ARHGAP21: variants seen among roughly 807,000 people sequenced by gnomAD.
ARHGAP21 encodes the protein Rho GTPase activating protein 21.
In ARHGAP21, 38 loss-of-function variants were observed where a neutral mutation model predicts 164.6. The ratio of observed to expected loss-of-function variants is 0.23; its 90% CI spans 0.18 to 0.30. ARHGAP21 has a LOEUF of 0.30. Ranked by LOEUF, ARHGAP21 falls within the 10% of genes least tolerant of loss-of-function variation. The probability of loss-of-function intolerance (pLI) is 1.00; values close to 1 mark genes in which losing one functional copy is unlikely to be tolerated. For missense variants in ARHGAP21, 1,822 were observed against 2,370.7 expected (o/e 0.77, Z 4.81); for synonymous variants, 766 against 857.9 (o/e 0.89, Z 1.87).
intron 4 of ARHGAP21, among the ~76,000 whole-genome samples, chr10:24,665,543 G>T (rs1013799153): frequency 6.6e-6 from 1 of 152,088 alleles, no homozygotes; most frequent in Non-Finnish European, 1.5e-5. Context: ...AAAAAATCTA[G>T]AAGAGGCAAA....
chr10:24,638,270 T>C (rs1836594408), intron 4 of ARHGAP21, among the ~76,000 whole-genome samples: 1 of 152,222 alleles, frequency 6.6e-6, no homozygotes, highest in Non-Finnish European at 1.5e-5. Flanking sequence ...AAATATCCCT[T>C]AAATATAAGC....
chr10:24,708,099 T>C (rs1260051926), intron 2 of ARHGAP21, among the ~76,000 whole-genome samples: 1 of 152,230 alleles, frequency 6.6e-6, no homozygotes, highest in Non-Finnish European at 1.5e-5. Flanking sequence ...TAAACAATGC[T>C]GCTGCTGGAA....
In ARHGAP21 at chr10:24,591,687, A is replaced by C; in HGVS notation, c.4003-4T>G. Reference sequence around the variant, plus strand: ...CTTCTGTGAAAAACCAGTCATGCTAAAATTTAAAAAAGGTGAGAAGAGAAA... The same window carrying C: ...CTTCTGTGAAAAACCAGTCATGCTACAATTTAAAAAAGGTGAGAAGAGAAA... On this transcript the variant is annotated splice_region_variant and splice_polypyrimidine_tract_variant and intron_variant, in intron 22 of 25. Coordinates refer to ENST00000396432, the MANE Select transcript of ARHGAP21 (RefSeq NM_020824.4). 1 of 1,614,096 alleles carries C rather than the reference A, an allele frequency of 6.2e-7. No homozygotes were observed. Among genetic ancestry groups the C allele is most frequent in the Non-Finnish European group, 8.5e-7 (1 of 1,179,926 alleles).
chr10:24,651,125 C>T (rs1040816954), intron 4 of ARHGAP21, among the ~76,000 whole-genome samples: 1 of 152,222 alleles, frequency 6.6e-6, no homozygotes, highest in African/African-American at 2.4e-5. Context: ...CTGCACACCT[C>T]CTTCTGAAGA....
At chr10:24,703,424 C>G (rs1843904501) in intron 2 of ARHGAP21, among the ~76,000 whole-genome samples, 1 of 152,126 alleles carries the variant, frequency 6.6e-6, no homozygotes, top group African/African-American at 2.4e-5. Flanking sequence ...TCATTTTAAA[C>G]TTCACAACAA....
chr10:24,636,268 T>C (rs1365390049), intron 4 of ARHGAP21, among the ~76,000 whole-genome samples: 1 of 152,128 alleles, frequency 6.6e-6, no homozygotes, highest in South Asian at 2.1e-4. Context: ...AGCATAAGTA[T>C]TGTGGGGGAA....
At chr10:24,612,646 A>C (rs917411387) in intron 9 of ARHGAP21, among the ~76,000 whole-genome samples, 3 of 151,840 alleles carry the variant, frequency 2.0e-5, no homozygotes, top group Non-Finnish European at 4.4e-5. Flanking sequence ...CGAGGTCAGG[A>C]GATCAAGACC....
Position 24,617,049 on chromosome 10 carries a change from C to T in ARHGAP21, c.2422+2424G>A, listed in dbSNP as rs555462097. 1.3e-4 allele frequency among the ~76,000 whole-genome samples: 20 copies of T among 152,136 alleles called. No homozygotes were observed. The South Asian group carries it at 3.7e-3, about 28-fold the overall frequency. On this transcript the variant is annotated intron_variant, in intron 9 of 25. Transcript: ENST00000396432. ...GTCCATGGCCGGTTAGGAGCTGGGC[C>T]GCACAGCAGAAGGTGAGCAGCGGGG...
At chr10:24,707,276 T>C (rs773099332) in intron 2 of ARHGAP21, among the ~76,000 whole-genome samples, 1 of 152,260 alleles carries the variant, frequency 6.6e-6, no homozygotes, top group Non-Finnish European at 1.5e-5. Context: ...ATTTGTAAGA[T>C]GGAGACATAC....
chr10:24,619,888 A>G lies in ARHGAP21; in HGVS notation c.2007T>C (p.Thr669=). Residue 669 remains threonine (T), a synonymous_variant, in exon 9 of 26, where the codon ACT becomes ACC. Transcript: ENST00000396432. The part of the protein sequence containing the change: ...SLLNQQTWVR[T]DSAPDQQVET... ...CCACTTGCTGATCGGGGGCACTGTCAGTCCTTACCCATGTCTGCTGATTCA... is the reference window on the plus strand; with the variant it reads ...CCACTTGCTGATCGGGGGCACTGTCGGTCCTTACCCATGTCTGCTGATTCA... 1.2e-6 allele frequency: 2 copies of G among 1,614,210 alleles called. No individual in the cohort carries two copies. Among genetic ancestry groups the G allele is most frequent in the Non-Finnish European group, 1.7e-6 (2 of 1,180,034 alleles).
At chr10:24,631,269 C>T (rs1384578367) in intron 6 of ARHGAP21, among the ~76,000 whole-genome samples, 1 of 152,150 alleles carries the variant, frequency 6.6e-6, no homozygotes, top group Non-Finnish European at 1.5e-5. Context: ...GAGGCTGAGG[C>T]AGGAGAATTG....
At chr10:24,607,434 G>T in intron 11 of ARHGAP21, 65 bp downstream of exon 11, 2 of 1,312,120 alleles carry the variant, frequency 1.5e-6, no homozygotes, top group Non-Finnish European at 2.2e-6. Context: ...CTGAACTTAT[G>T]TGTCAAGGTC....
At chr10:24,612,724 G>A (rs1034441652) in intron 9 of ARHGAP21, among the ~76,000 whole-genome samples, 3 of 152,092 alleles carry the variant, frequency 2.0e-5, no homozygotes, top group Non-Finnish European at 2.9e-5. Flanking sequence ...GTGTGGTGGC[G>A]GACGCCTATA....
intron 2 of ARHGAP21, among the ~76,000 whole-genome samples, chr10:24,715,802 A>G (rs1845318740): frequency 1.3e-5 from 2 of 152,158 alleles, no homozygotes; most frequent in Admixed American, 6.5e-5. Flanking sequence ...TGAGATCAGG[A>G]GTTCGAGACC....
chr10:24,651,664 G>A (rs1311295855), intron 4 of ARHGAP21, among the ~76,000 whole-genome samples: 1 of 152,154 alleles, frequency 6.6e-6, no homozygotes, highest in Non-Finnish European at 1.5e-5. Context: ...TGCAGGGCTG[G>A]TTTCATATTT....
At chr10:24,624,635 C>T (rs930889520) in intron 7 of ARHGAP21, among the ~76,000 whole-genome samples, 6 of 151,808 alleles carry the variant, frequency 4.0e-5, no homozygotes, top group Non-Finnish European at 7.4e-5. Flanking sequence ...CCACCGAGCC[C>T]GGGTAGAACT....
intron 4 of ARHGAP21, among the ~76,000 whole-genome samples, chr10:24,655,832 T>A (rs1393353198): frequency 8.4e-6 from 1 of 119,366 alleles, no homozygotes; most frequent in Admixed American, 8.3e-5. Flanking sequence ...CGGCCGCCCA[T>A]CGTCTGAGAT....
Position 24,619,850 on chromosome 10 carries a change from G to A in ARHGAP21, c.2045C>T (p.Ser682Phe), listed in dbSNP as rs1215984629. The A allele has an allele frequency of 8.7e-6, 14 of 1,614,024 alleles. No homozygotes were observed. Among genetic ancestry groups the A allele is most frequent in the African/African-American group, 1.3e-5 (1 of 74,912 alleles). Residue 682 changes from serine to phenylalanine, a missense_variant, in exon 9 of 26, where the codon TCC (serine) becomes TTC (phenylalanine). Coordinates refer to ENST00000396432, the MANE Select transcript of ARHGAP21 (RefSeq NM_020824.4). ...GGCAGAGGCTCCAGATAAAGAGGGG[G>A]ATTTCCCAGTCTCCACTTGCTGATC... ...APDQQVETGK[S>F]PSLSGASAKP...
chr10:24,703,050 T>C (rs909836035), intron 2 of ARHGAP21, among the ~76,000 whole-genome samples: 2 of 152,132 alleles, frequency 1.3e-5, no homozygotes, highest in African/African-American at 4.8e-5. Context: ...CACTCTATAT[T>C]ATATAGGCAT....
Sources: allele counts gnomAD v4.1 joint callset (sites outside exome capture counted in the v4.1 genomes callset), GRCh38; gene constraint gnomAD v4.1.1; transcripts MANE v1.5; gene names NCBI Gene and HGNC (gene_info 2026-07-23, HGNC 2026-07-21).